The following BBS9 variants were observed in gnomAD, a reference collection of about 807,000 sequenced individuals.
BBS9 encodes Bardet-Biedl syndrome 9.
Under a neutral mutation model 117.7 loss-of-function variants are expected in BBS9, and 89 were observed. The ratio of observed to expected loss-of-function variants is 0.76; its 90% CI spans 0.64 to 0.90. The LOEUF is 0.90. Among genes scored for constraint, BBS9 ranks in the 40% least tolerant of loss-of-function variants. The pLI is 0.00. For synonymous variants in BBS9, 379 were observed against 370.9 expected (o/e 1.02, Z -0.25); for missense variants, 982 against 1,042.2 (o/e 0.94, Z 0.80).
At chr7:33,291,913 T>C (rs1187381591) in intron 9 of BBS9, among the ~76,000 whole-genome samples, 1 of 152,248 alleles carries the variant, frequency 6.6e-6, no homozygotes, top group South Asian at 2.1e-4. Context: ...TTAGGGCCGC[T>C]CCACTTTCAA....
chr7:33,326,229 C>T (rs771283878), intron 9 of BBS9, among the ~76,000 whole-genome samples: 1 of 150,348 alleles, frequency 6.7e-6, no homozygotes, highest in South Asian at 2.1e-4. Flanking sequence ...TCTTTTCCCT[C>T]CCCTCCCCTC....
chr7:33,456,919 C>T (rs980076858), intron 19 of BBS9, among the ~76,000 whole-genome samples: 2 of 152,162 alleles, frequency 1.3e-5, no homozygotes, highest in African/African-American at 4.8e-5. Flanking sequence ...AAATAGAAAA[C>T]ATCTGTAGAA....
chr7:33,212,997 T>C (rs980770100), intron 5 of BBS9, among the ~76,000 whole-genome samples: 7 of 152,290 alleles, frequency 4.6e-5, no homozygotes, highest in Admixed American at 4.6e-4. Context: ...ACCCAAGGCC[T>C]GCTGTAACCA....
intron 5 of BBS9, among the ~76,000 whole-genome samples, chr7:33,228,918 G>A (rs1791807770): frequency 6.6e-6 from 1 of 152,034 alleles, no homozygotes; most frequent in Non-Finnish European, 1.5e-5. Flanking sequence ...TCAAACAGTT[G>A]TTGTTCAAGG....
chr7:33,541,960 T>G (rs1326994089), intron 21 of BBS9, among the ~76,000 whole-genome samples: 1 of 141,952 alleles, frequency 7.0e-6, no homozygotes, highest in Non-Finnish European at 1.5e-5. Context: ...TTTAAAAACA[T>G]TTTTTAGTGT....
chr7:33,212,567 G>T (rs1007133411), intron 5 of BBS9, among the ~76,000 whole-genome samples: 2 of 152,070 alleles, frequency 1.3e-5, no homozygotes, highest in Non-Finnish European at 2.9e-5. Context: ...TATTTAGTTT[G>T]TTTGGTGAGA....
chr7:33,527,473 T>C (rs1027770964), intron 20 of BBS9, among the ~76,000 whole-genome samples: 2 of 152,206 alleles, frequency 1.3e-5, no homozygotes, highest in Non-Finnish European at 2.9e-5. Flanking sequence ...TAAGCGGGTC[T>C]GAAAAGCGCA....
At chr7:33,205,778 T>C (rs1786792618) in intron 5 of BBS9, among the ~76,000 whole-genome samples, 1 of 152,212 alleles carries the variant, frequency 6.6e-6, no homozygotes, top group Admixed American at 6.5e-5. Flanking sequence ...TAAATTGATC[T>C]TCACATACCC....
At chr7:33,132,730 C>T (rs1343244960) in intron 1 of BBS9, among the ~76,000 whole-genome samples, 1 of 152,146 alleles carries the variant, frequency 6.6e-6, no homozygotes, top group Non-Finnish European at 1.5e-5. Context: ...ACCTCCCACA[C>T]CTACCTGCTT....
intron 19 of BBS9, among the ~76,000 whole-genome samples, chr7:33,480,136 G>T (rs1842334218): frequency 6.6e-6 from 1 of 152,114 alleles, no homozygotes; most frequent in Non-Finnish European, 1.5e-5. Context: ...TCTCAATAAA[G>T]GTTTTAGGTA....
chr7:33,514,180 G>A (rs10279696), intron 20 of BBS9, among the ~76,000 whole-genome samples: 3,014 of 152,288 alleles, frequency 0.02, 78 homozygotes, highest in African/African-American at 0.055. Context: ...TGTGTCCTTA[G>A]CAAGTGGTGG....
At chr7:33,215,658 G>C (rs748962025) in intron 5 of BBS9, among the ~76,000 whole-genome samples, 2 of 151,900 alleles carry the variant, frequency 1.3e-5, no homozygotes, top group Non-Finnish European at 2.9e-5. Flanking sequence ...CACACACACA[G>C]GAATATTATT....
chr7:33,448,090 G>A (rs1487668787), intron 19 of BBS9, among the ~76,000 whole-genome samples: 3 of 152,146 alleles, frequency 2.0e-5, no homozygotes, highest in Non-Finnish European at 2.9e-5. Context: ...GGAAGTTGAA[G>A]GCTTCCTGCC....
At chr7:33,236,397 G>A (rs1010874278) in intron 5 of BBS9, among the ~76,000 whole-genome samples, 1 of 150,968 alleles carries the variant, frequency 6.6e-6, no homozygotes, top group Non-Finnish European at 1.5e-5. Context: ...GACTGTGGAT[G>A]TTGTTAAATT....
intron 21 of BBS9, among the ~76,000 whole-genome samples, chr7:33,574,704 C>CACACAT (rs1554543995): frequency 4.2e-5 from 6 of 141,414 alleles, no homozygotes; most frequent in African/African-American, 1.6e-4. Context: ...CACACACACA[C>CACACAT]ACACACACAC....
chr7:33,311,816 CA>C (rs36106860), intron 9 of BBS9, among the ~76,000 whole-genome samples: 4,093 of 143,090 alleles, frequency 0.029, 126 homozygotes, highest in African/African-American at 0.076. Flanking sequence ...GACTCCATCT[CA>C]AAAAAAAAAA....
At chr7:33,429,391 A>C (rs556739005) in intron 19 of BBS9, among the ~76,000 whole-genome samples, 200 of 151,834 alleles carry the variant, frequency 1.3e-3, no homozygotes, top group Middle Eastern at 3.4e-3. Context: ...CTCCTTTTTC[A>C]AACTTTTTAC....
At chr7:33,543,963 T>C (rs1049307916) in intron 21 of BBS9, among the ~76,000 whole-genome samples, 1 of 152,216 alleles carries the variant, frequency 6.6e-6, no homozygotes, top group Non-Finnish European at 1.5e-5. Context: ...GCTCTGATTT[T>C]TTTTCTTCTA....
At chr7:33,320,834 G>C (rs917310459) in intron 9 of BBS9, among the ~76,000 whole-genome samples, 4 of 150,538 alleles carry the variant, frequency 2.7e-5, no homozygotes, top group Non-Finnish European at 5.9e-5. Context: ...TTTCCTCAAT[G>C]TTTTTTTTTG....
Sources: allele counts gnomAD v4.1 joint callset (sites outside exome capture counted in the v4.1 genomes callset), GRCh38; gene constraint gnomAD v4.1.1; transcripts MANE v1.5; gene names NCBI Gene and HGNC (gene_info 2026-07-23, HGNC 2026-07-21).